Variants in TENT5C observed in about 807,000 individuals in gnomAD.
The protein encoded by TENT5C is family with sequence similarity 46 member C.
A neutral mutation model predicts 22.2 loss-of-function variants in TENT5C; 5 were observed. That is an observed-to-expected ratio of 0.22 (90% CI 0.12 to 0.47). TENT5C has a LOEUF of 0.47. TENT5C is among the 20% of genes least tolerant of loss of function. The pLI, the probability that TENT5C is intolerant of heterozygous loss-of-function variation, is 0.99. For synonymous variants in TENT5C, 199 were observed against 195.4 expected (o/e 1.02, Z -0.15); for missense variants, 364 against 500.9 (o/e 0.73, Z 2.61).
Position 117,625,987 on chromosome 1 carries a change from G to A in TENT5C, c.*1943G>A, listed in dbSNP as rs867400149. The A allele has an allele frequency of 3.2e-4, 79 of 246,574 alleles. No individual in the cohort carries two copies. The highest frequency in any genetic ancestry group is 1.4e-3 in the African/African-American group (63 of 45,322). 15.3% of individuals were successfully genotyped at this position (246,574 alleles called of 1,614,324 possible). A position where few individuals can be genotyped will look rare whatever the true frequency, so the allele number is the denominator to read the frequency against. ...CCAGTGTGCTTCAGTGTTAAGAGTG[G>A]GGCAATGAAGAGTGAACCCCAATGA... On this transcript the variant is annotated 3_prime_UTR_variant, in exon 2 of 2. Transcript: ENST00000369448.
intron 1 of TENT5C, among the ~76,000 whole-genome samples, chr1:117,608,245 C>T (rs1235265294): frequency 2.0e-5 from 3 of 152,182 alleles, no homozygotes; most frequent in Non-Finnish European, 4.4e-5. Context: ...TCATGTAATT[C>T]TGAAGGAAAG....
At chr1:117,612,972 T>A (rs1348458651) in intron 1 of TENT5C, among the ~76,000 whole-genome samples, 1 of 152,220 alleles carries the variant, frequency 6.6e-6, no homozygotes, top group Non-Finnish European at 1.5e-5. Context: ...GGCTGTCAGC[T>A]CTTAAACCCT....
chr1:117,623,051 G>T lies in TENT5C; in HGVS notation c.183G>T (p.Glu61Asp), dbSNP rs1653932856. 1.2e-6 allele frequency: 2 copies of T among 1,614,128 alleles called. No individual in the cohort carries two copies. Among genetic ancestry groups the T allele is most frequent in the Non-Finnish European group, 1.7e-6 (2 of 1,180,056 alleles). Residue 61 changes from glutamate (E) to aspartate (D), a missense_variant, in exon 2 of 2, where the codon GAG (glutamate) becomes GAT (aspartate). By Grantham distance (45) the Glu-to-Asp change is conservative. Coordinates refer to ENST00000369448, the MANE Select transcript of TENT5C (RefSeq NM_017709.4). ...AGACCGTCCGCAGTCGGCTGGAGGA[G>T]GCAGGCATCAAAGTGCACGACGTCC... ...IVQTVRSRLE[E>D]AGIKVHDVRL...
At chr1:117,615,515 ATGT>A (rs551962160) in intron 1 of TENT5C, among the ~76,000 whole-genome samples, 58 of 152,320 alleles carry the variant, frequency 3.8e-4, no homozygotes, top group African/African-American at 1.4e-3. Context: ...CCTATTTGTG[ATGT>A]TGTAAAAGAG....
chr1:117,622,068 G>A (rs1653904914), intron 1 of TENT5C, among the ~76,000 whole-genome samples: 1 of 152,166 alleles, frequency 6.6e-6, no homozygotes, highest in South Asian at 2.1e-4. Flanking sequence ...TCCTTGCTAG[G>A]AAGAGTGGTT....
chr1:117,609,925 A>G (rs533231657), intron 1 of TENT5C, among the ~76,000 whole-genome samples: 30 of 152,226 alleles, frequency 2.0e-4, no homozygotes, highest in Admixed American at 1.5e-3. Flanking sequence ...CCACAGGGGT[A>G]TAGGTTTGGA....
chr1:117,625,385 A>G lies in TENT5C; in HGVS notation c.*1341A>G. The G allele has an allele frequency of 4.0e-6, 1 of 248,176 alleles. No individual in the cohort carries two copies. The highest frequency in any genetic ancestry group is 8.5e-6 in the Non-Finnish European group (1 of 118,130). 15.4% of individuals were successfully genotyped at this position (248,176 alleles called of 1,614,324 possible). A position where few individuals can be genotyped will look rare whatever the true frequency, so the allele number is the denominator to read the frequency against. ...ATTCTGGTAGATTTGACTTGTTTAT[A>G]ATTCTGCACTTTAGAAGAAAAACAG... On this transcript the variant is annotated 3_prime_UTR_variant, in exon 2 of 2. Transcript: ENST00000369448.
intron 1 of TENT5C, among the ~76,000 whole-genome samples, chr1:117,614,024 C>T (rs2101074980): frequency 6.6e-6 from 1 of 152,290 alleles, no homozygotes. Flanking sequence ...TTGCTTCAGG[C>T]CATTCATAAT....
rs1386984079 is a variant in TENT5C, at chr1:117,626,993, G to A, written c.*2949G>A. On this transcript the variant is annotated 3_prime_UTR_variant, in exon 2 of 2. Transcript: ENST00000369448. ...TAGTCTCCCCTTTAAATCTTACCTT[G>A]GCAGTAACACATTATTCCTCATTCA... is the stretch of plus-strand genomic sequence containing the variant. The A allele has an allele frequency of 4.0e-6, 1 of 247,898 alleles. No individual in the cohort carries two copies. Among genetic ancestry groups the A allele is most frequent in the Non-Finnish European group, 8.5e-6 (1 of 118,106 alleles). The allele number at this position is 247,898 out of a possible 1,614,324, so 15.4% of individuals were successfully genotyped here.
rs573458922 is a variant in TENT5C, at chr1:117,613,865, C to T, written c.-28+7712C>T. Among the ~76,000 whole-genome samples the T allele has an allele frequency of 2.6e-5, 4 of 152,248 alleles. No homozygotes were observed. In the East Asian group the frequency reaches 7.7e-4, roughly 29 times the overall value. On this transcript the variant is annotated intron_variant, in intron 1 of 1. Transcript: ENST00000369448. Reference sequence around the variant, plus strand: ...GTTTTCTCTGGGCACAGCTTTGTGGCCTGGGGCAGTTACTTCTTTGAACTC... The same window carrying T: ...GTTTTCTCTGGGCACAGCTTTGTGGTCTGGGGCAGTTACTTCTTTGAACTC...
At chr1:117,610,762 C>T (rs188543968) in intron 1 of TENT5C, among the ~76,000 whole-genome samples, 198 of 152,248 alleles carry the variant, frequency 1.3e-3, no homozygotes, top group African/African-American at 4.3e-3. Flanking sequence ...CTCTTGACCT[C>T]GTGATCTGCC....
At chr1:117,622,339 G>A (rs970967564) in intron 1 of TENT5C, among the ~76,000 whole-genome samples, 6 of 144,378 alleles carry the variant, frequency 4.2e-5, no homozygotes, top group Non-Finnish European at 8.8e-5. Flanking sequence ...GTGTGTGTGT[G>A]TGTGTGTGTG....
chr1:117,609,155 T>C (rs1184381950), intron 1 of TENT5C, among the ~76,000 whole-genome samples: 1 of 152,262 alleles, frequency 6.6e-6, no homozygotes, highest in East Asian at 1.9e-4. Flanking sequence ...ACATTAGTAC[T>C]GCTGATTTCT....
intron 1 of TENT5C, among the ~76,000 whole-genome samples, chr1:117,611,117 G>A (rs536543640): frequency 2.6e-5 from 4 of 152,284 alleles, no homozygotes; most frequent in Admixed American, 6.5e-5. Context: ...TCTGCTCGTC[G>A]TAGTTAGAGA....
intron 1 of TENT5C, among the ~76,000 whole-genome samples, chr1:117,606,693 A>G (rs1653544070): frequency 6.6e-6 from 1 of 151,956 alleles, no homozygotes; most frequent in Non-Finnish European, 1.5e-5. Context: ...GCAGCTGGAG[A>G]CGCAGCGGTC....
intron 1 of TENT5C, among the ~76,000 whole-genome samples, chr1:117,622,315 TCGTGTG>T (rs1216005636): frequency 4.2e-5 from 4 of 94,908 alleles, no homozygotes; most frequent in African/African-American, 1.7e-4. Context: ...GTGAAGGAAG[TCGTGTG>T]TGTGTGTGTG....
At position 117,628,368 on chromosome 1, in the gene TENT5C, T is replaced by C. The variant is rs1427742463; in HGVS notation, c.*4324T>C. On this transcript the variant is annotated 3_prime_UTR_variant, in exon 2 of 2. Coordinates refer to ENST00000369448, the MANE Select transcript of TENT5C (RefSeq NM_017709.4). ...AATAAAGGTATATTTAAAATTTAAA[T>C]AAAACTTGTCATTTATGCTCATTGA... 4.4e-6 allele frequency: 1 copy of C among 225,234 alleles called. No homozygotes were observed. Among genetic ancestry groups the C allele is most frequent in the Non-Finnish European group, 9.5e-6 (1 of 105,062 alleles). The allele number at this position is 225,234 out of a possible 1,614,324, so 14.0% of individuals were successfully genotyped here. A position where few individuals can be genotyped will look rare whatever the true frequency, so the allele number is the denominator to read the frequency against.
chr1:117,620,825 A>T (rs918624123), intron 1 of TENT5C, among the ~76,000 whole-genome samples: 2 of 152,180 alleles, frequency 1.3e-5, no homozygotes, highest in South Asian at 2.1e-4. Flanking sequence ...GAACAGGTTC[A>T]TGCTGCAACT....
chr1:117,617,884 T>C (rs1653819684), intron 1 of TENT5C, among the ~76,000 whole-genome samples: 1 of 152,258 alleles, frequency 6.6e-6, no homozygotes, highest in African/African-American at 2.4e-5. Flanking sequence ...CTTTAAAATG[T>C]ACTTTTGGTA....
Sources: gnomAD v4.1 joint callset for allele counts (sites outside exome capture counted in the v4.1 genomes callset) on GRCh38, gnomAD v4.1.1 for gene constraint, MANE v1.5 for transcripts, NCBI Gene and HGNC (gene_info 2026-07-23, HGNC 2026-07-21) for gene names.